GRM1: variants seen among roughly 807,000 people sequenced by gnomAD.
GRM1 encodes glutamate metabotropic receptor 1, also known as metabotropic glutamate receptor 1.
GRM1 carries 33 observed loss-of-function variants against 90.9 expected under a neutral mutation model. That is an observed-to-expected ratio of 0.36 (90% CI 0.28 to 0.49). GRM1 has a LOEUF of 0.49. GRM1 is among the 20% of genes least tolerant of loss of function. The pLI is 0.99. For missense variants in GRM1, 1,190 were observed against 1,534.3 expected (o/e 0.78, Z 3.75); for synonymous variants, 700 against 613.2 (o/e 1.14, Z -2.09).
At position 146,058,256 on chromosome 6, in the gene GRM1, C is replaced by T. The variant is rs555436420; in HGVS notation, c.700+28039C>T. Among the ~76,000 whole-genome samples the T allele has an allele frequency of 1.3e-4, 20 of 152,142 alleles. No individual in the cohort carries two copies. The South Asian group carries it at 3.9e-3, about 30-fold the overall frequency. ...TGGTGGCATGATATTCTATAACTGG[C>T]TATACAGGTGTACCTCAGAGATGTT... On this transcript the variant is annotated intron_variant, in intron 1 of 7. Transcript: ENST00000282753.
At chr6:146,251,738 C>T (rs1385771444) in intron 2 of GRM1, among the ~76,000 whole-genome samples, 1 of 152,206 alleles carries the variant, frequency 6.6e-6, no homozygotes, top group African/African-American at 2.4e-5. Flanking sequence ...TTATTTACTT[C>T]TGTCCCTTCA....
intron 1 of GRM1, among the ~76,000 whole-genome samples, chr6:146,134,111 T>A (rs1270517340): frequency 1.3e-5 from 2 of 152,212 alleles, no homozygotes; most frequent in Non-Finnish European, 2.9e-5. Flanking sequence ...GTCTACCCGC[T>A]ATAGATGCCT....
intron 2 of GRM1, among the ~76,000 whole-genome samples, chr6:146,168,410 A>G (rs966812910): frequency 1.3e-4 from 19 of 151,896 alleles, no homozygotes; most frequent in African/African-American, 4.6e-4. Context: ...TATTGTTATT[A>G]TGTATTTTAT....
intron 2 of GRM1, among the ~76,000 whole-genome samples, chr6:146,286,491 A>G (rs1159975039): frequency 6.6e-6 from 1 of 152,200 alleles, no homozygotes; most frequent in East Asian, 1.9e-4. Flanking sequence ...TCTATAAACT[A>G]AATCAAGTAC....
chr6:146,060,598 G>A (rs1367103495), intron 1 of GRM1, among the ~76,000 whole-genome samples: 1 of 152,240 alleles, frequency 6.6e-6, no homozygotes, highest in East Asian at 1.9e-4. Context: ...TTTTATGGCT[G>A]TATAGTATTC....
chr6:146,359,611 C>T (rs760938821), intron 5 of GRM1, among the ~76,000 whole-genome samples: 5 of 152,210 alleles, frequency 3.3e-5, no homozygotes, highest in Non-Finnish European at 5.9e-5. Flanking sequence ...CTTACTGTTA[C>T]TCTGACTGCC....
In GRM1 at chr6:146,399,507, T is replaced by C; in HGVS notation, c.2468T>C (p.Val823Ala). ...ITTCFAVSLS[V>A]TVALGCMFTP... ...ACTTGCTTTGCAGTGAGTCTCAGTG[T>C]AACAGTGGCTCTGGGGTGCATGTTC... Residue 823 changes from valine to alanine, a missense_variant, in exon 7 of 8, where the codon GTA becomes GCA. By Grantham distance (64) the Val-to-Ala change is moderately conservative. Coordinates refer to ENST00000282753, the MANE Select transcript of GRM1 (RefSeq NM_001278064.2). The surrounding 1 kb of genome is among the most constrained non-coding windows in gnomAD (Gnocchi z 5.4). The C allele has an allele frequency of 6.2e-7, 1 of 1,614,144 alleles. No homozygotes were observed. The highest frequency in any genetic ancestry group is 8.5e-7 in the Non-Finnish European group (1 of 1,179,978).
At chr6:146,326,598 A>G (rs2114984220) in intron 3 of GRM1, among the ~76,000 whole-genome samples, 1 of 152,308 alleles carries the variant, frequency 6.6e-6, no homozygotes, top group Admixed American at 6.5e-5. Flanking sequence ...AAAAGTTAAA[A>G]AAAAATAAAA....
intron 3 of GRM1, among the ~76,000 whole-genome samples, chr6:146,319,659 C>G (rs1327172374): frequency 6.6e-6 from 1 of 152,062 alleles, no homozygotes; most frequent in Admixed American, 6.6e-5. Context: ...GTTTGTAGTT[C>G]TCCTTGAAGA....
chr6:146,113,615 G>A (rs1031697631), intron 1 of GRM1, among the ~76,000 whole-genome samples: 11 of 152,072 alleles, frequency 7.2e-5, no homozygotes, highest in African/African-American at 2.4e-4. Context: ...GTTTTTTGAA[G>A]CCCTTTACTG....
At chr6:146,394,593 A>C (rs1463849774) in intron 6 of GRM1, among the ~76,000 whole-genome samples, 1 of 152,120 alleles carries the variant, frequency 6.6e-6, no homozygotes, top group Non-Finnish European at 1.5e-5. Flanking sequence ...CAGTGTATCA[A>C]GGTTCCCTTT....
chr6:146,410,240 T>G (rs1777511742), intron 7 of GRM1, among the ~76,000 whole-genome samples: 1 of 152,084 alleles, frequency 6.6e-6, no homozygotes, highest in Admixed American at 6.6e-5. Flanking sequence ...TGAAGTAAGG[T>G]TTTTATAATT....
intron 1 of GRM1, among the ~76,000 whole-genome samples, chr6:146,136,594 G>A (rs527386473): frequency 2.0e-5 from 3 of 152,006 alleles, no homozygotes; most frequent in Admixed American, 6.6e-5. Context: ...TGTCTATTCC[G>A]ATCTTTTGCT....
At chr6:146,318,230 T>C (rs1784044991) in intron 3 of GRM1, among the ~76,000 whole-genome samples, 1 of 152,160 alleles carries the variant, frequency 6.6e-6, no homozygotes, top group African/African-American at 2.4e-5. Context: ...AACTCCCACT[T>C]ATGAGTGAGA....
At chr6:146,196,920 CAA>C (rs1412688890) in intron 2 of GRM1, among the ~76,000 whole-genome samples, 1 of 152,094 alleles carries the variant, frequency 6.6e-6, no homozygotes, top group Non-Finnish European at 1.5e-5. Context: ...GTGAAAGATA[CAA>C]GAGAACAAAA....
intron 1 of GRM1, among the ~76,000 whole-genome samples, chr6:146,145,276 T>C (rs1246534374): frequency 6.6e-6 from 1 of 152,088 alleles, no homozygotes; most frequent in African/African-American, 2.4e-5. Flanking sequence ...TTAGCACAGA[T>C]AGAAGGAAGC....
At chr6:146,312,767 T>C (rs1176150459) in intron 3 of GRM1, among the ~76,000 whole-genome samples, 1 of 152,262 alleles carries the variant, frequency 6.6e-6, no homozygotes, top group Non-Finnish European at 1.5e-5. Context: ...ACTGATCAAC[T>C]TGTTGAATAT....
intron 2 of GRM1, among the ~76,000 whole-genome samples, chr6:146,204,023 AT>A (rs1301849558): frequency 5.3e-5 from 8 of 152,210 alleles, no homozygotes; most frequent in Non-Finnish European, 1.2e-4. Context: ...AGATTGTGTT[AT>A]TTTTGAATAT....
intron 2 of GRM1, among the ~76,000 whole-genome samples, chr6:146,249,273 C>T (rs1475717002): frequency 6.6e-6 from 1 of 152,116 alleles, no homozygotes; most frequent in Non-Finnish European, 1.5e-5. Context: ...AAAATGTCTC[C>T]AGGGCATGTC....
Sources: gnomAD v4.1 joint callset for allele counts (sites outside exome capture counted in the v4.1 genomes callset) on GRCh38, gnomAD v4.1.1 for gene constraint, Gnocchi (gnomAD v3.1) non-coding constraint, MANE v1.5 for transcripts, NCBI Gene and HGNC (gene_info 2026-07-23, HGNC 2026-07-21) for gene names.